LHPP: variants seen among roughly 807,000 people sequenced by gnomAD.
LHPP encodes the protein phospholysine phosphohistidine inorganic pyrophosphate phosphatase, also known as hLHPP.
Under a neutral mutation model 30.3 loss-of-function variants are expected in LHPP, and 24 were observed. That is an observed-to-expected ratio of 0.79 (90% confidence interval 0.57 to 1.11). The LOEUF (loss-of-function observed/expected upper bound fraction) is 1.11. LHPP is among the 50% of genes most tolerant of loss of function. The pLI, the probability that LHPP is intolerant of heterozygous loss-of-function variation, is 0.00. For missense variants in LHPP, 356 were observed against 367.2 expected (o/e 0.97, Z 0.25); for synonymous variants, 150 against 157.1 (o/e 0.95, Z 0.34).
At chr10:124,464,426 C>A (rs12261656) in intron 1 of LHPP, among the ~76,000 whole-genome samples, 2 of 152,022 alleles carry the variant, frequency 1.3e-5, no homozygotes, top group African/African-American at 4.8e-5. Flanking sequence ...CAAACGGTCC[C>A]GCATAGTGAA....
chr10:124,553,984 G>A (rs999769689), intron 6 of LHPP: 48 of 985,314 alleles, frequency 4.9e-5, no homozygotes, highest in African/African-American at 4.2e-4. Flanking sequence ...GGAACTGGGC[G>A]CTCCTGTGGA....
At chr10:124,498,357 A>T in intron 5 of LHPP, 1 of 1,566,212 alleles carries the variant, frequency 6.4e-7, no homozygotes, top group Admixed American at 1.9e-5. Flanking sequence ...AAGAAGCAGA[A>T]ATGCCTGCGG....
At chr10:124,573,702 G>T (rs1589876150) in intron 6 of LHPP, among the ~76,000 whole-genome samples, 2 of 152,306 alleles carry the variant, frequency 1.3e-5, no homozygotes, top group East Asian at 3.9e-4. Context: ...TGCCGTGCCT[G>T]ATCCTTGCTG....
At chr10:124,587,695 A>G (rs7920269) in intron 6 of LHPP, among the ~76,000 whole-genome samples, 48,356 of 143,402 alleles carry the variant, frequency 0.34, 8,494 homozygotes, top group South Asian at 0.45. Context: ...AGCCAAGATC[A>G]TGCCACTGCA....
intron 6 of LHPP, among the ~76,000 whole-genome samples, chr10:124,598,603 T>C (rs2077166): frequency 0.93 from 140,691 of 152,032 alleles, 65,298 homozygotes; most frequent in East Asian, 1. Flanking sequence ...GCACGAGGAA[T>C]TGCTGGGAGC....
In LHPP at chr10:124,506,683, AAGATTT is replaced by A. The variant is rs1274537139; in HGVS notation, c.624+8556_624+8561del. Reference sequence around the variant, plus strand: ...GAGGATTTCAGGTTGGGGGGTAGGGAAGATTTCAGGTTGGCGGGTAGGGAAGATTTC... The same window carrying A: ...GAGGATTTCAGGTTGGGGGGTAGGGACAGGTTGGCGGGTAGGGAAGATTTC... On this transcript the variant is annotated intron_variant, in intron 5 of 6. Coordinates refer to ENST00000368842, the MANE Select transcript of LHPP (RefSeq NM_022126.4). 5.6e-4 allele frequency among the ~76,000 whole-genome samples: 51 copies of A among 91,098 alleles called. 3 individuals are homozygous for A. The highest frequency in any genetic ancestry group is 7.6e-4 in the Non-Finnish European group (34 of 44,972). 59.8% of individuals were successfully genotyped at this position (91,098 alleles called of 152,430 possible). A position where few individuals can be genotyped will look rare whatever the true frequency, so the allele number is the denominator to read the frequency against.
chr10:124,487,963 C>G (rs1589780899), intron 2 of LHPP, among the ~76,000 whole-genome samples: 1 of 152,178 alleles, frequency 6.6e-6, no homozygotes, highest in Non-Finnish European at 1.5e-5. Flanking sequence ...TCTGCTTTTT[C>G]TTCAGGACAT....
intron 6 of LHPP, among the ~76,000 whole-genome samples, chr10:124,559,170 G>C (rs1948351881): frequency 6.6e-6 from 1 of 152,202 alleles, no homozygotes; most frequent in Non-Finnish European, 1.5e-5. Context: ...CTACCCCCAG[G>C]CTAGTTAAGG....
intron 6 of LHPP, chr10:124,554,048 C>T (rs563343899): frequency 6.3e-5 from 62 of 985,300 alleles, no homozygotes; most frequent in Non-Finnish European, 7.5e-5. Context: ...AAGAAGGCCT[C>T]GAGCCTGTAG....
At chr10:124,540,240 G>A (rs1010013858) in intron 6 of LHPP, among the ~76,000 whole-genome samples, 13 of 152,192 alleles carry the variant, frequency 8.5e-5, no homozygotes, top group Admixed American at 2.6e-4. Context: ...GACAAGGAGG[G>A]CTCCCACCTA....
intron 6 of LHPP, among the ~76,000 whole-genome samples, chr10:124,609,711 C>G (rs951307818): frequency 2.6e-5 from 4 of 152,226 alleles, no homozygotes; most frequent in Admixed American, 1.3e-4. Context: ...ACTAGTCTGC[C>G]TTTGCCAGCT....
intron 6 of LHPP, among the ~76,000 whole-genome samples, chr10:124,558,348 A>G (rs10794149): frequency 0.82 from 124,739 of 152,218 alleles, 51,847 homozygotes; most frequent in Non-Finnish European, 0.91. Context: ...GCGTGTTGCT[A>G]TGCACAGCCC....
In LHPP at chr10:124,564,097, T is replaced by C. The variant is rs943547930; in HGVS notation, c.716+46826T>C. Among the ~76,000 whole-genome samples the C allele has an allele frequency of 5.3e-5, 8 of 150,406 alleles. No individual in the cohort carries two copies. In the East Asian group the frequency reaches 7.9e-4, roughly 15 times the overall value. On this transcript the variant is annotated intron_variant, in intron 6 of 6. Transcript: ENST00000368842. ...GAGTGGCTGGACCTACAGGTGCACA[T>C]TGAAGCACCCAGCTGATTTAAAAAA...
chr10:124,546,559 C>A (rs569753743), intron 6 of LHPP, among the ~76,000 whole-genome samples: 2 of 151,950 alleles, frequency 1.3e-5, no homozygotes, highest in African/African-American at 2.4e-5. Flanking sequence ...CCTGCCACCA[C>A]GCCCGGCTAA....
rs1256206892 is a variant in LHPP at position 124,596,595 on chromosome 10, G to A, written c.717-16669G>A. Among the ~76,000 whole-genome samples, 1 of 152,144 alleles carries A rather than the reference G, an allele frequency of 6.6e-6. No individual in the cohort carries two copies. The highest frequency in any genetic ancestry group is 1.5e-5 in the Non-Finnish European group (1 of 68,034). On this transcript the variant is annotated intron_variant, in intron 6 of 6. Transcript: ENST00000368842. This position sits in a 1 kb window ranked among gnomAD's most constrained non-coding sequence, Gnocchi z 4.6. ...GGTAGCACAGCTGCATCTCTAGGTT[G>A]GGGCCACTCTTTTCTTGGAACAAGA...
At chr10:124,484,088 G>A (rs374070364) in intron 1 of LHPP, 51 bp from the exon 2 acceptor site, 16 of 1,571,692 alleles carry the variant, frequency 1.0e-5, no homozygotes, top group Non-Finnish European at 1.2e-5. Context: ...TCCTTCAGAG[G>A]CCCAACACTC....
intron 1 of LHPP, among the ~76,000 whole-genome samples, chr10:124,467,396 A>T (rs1218742994): frequency 2.7e-5 from 1 of 37,050 alleles, no homozygotes; most frequent in Admixed American, 3.5e-4. Context: ...GAGAGGGGGC[A>T]GGGAGGGGGT....
At chr10:124,529,528 G>A (rs187117034) in intron 6 of LHPP, among the ~76,000 whole-genome samples, 4 of 152,272 alleles carry the variant, frequency 2.6e-5, no homozygotes, top group African/African-American at 9.6e-5. Flanking sequence ...CTCTCCGACT[G>A]TGGCATCCCC....
intron 1 of LHPP, among the ~76,000 whole-genome samples, chr10:124,470,440 C>T (rs1952694762): frequency 2.0e-5 from 3 of 152,104 alleles, no homozygotes; most frequent in Admixed American, 1.3e-4. Flanking sequence ...CGTCCAGTAG[C>T]ACCTCTCAAT....
Sources: allele counts gnomAD v4.1 joint callset (sites outside exome capture counted in the v4.1 genomes callset), GRCh38; gene constraint gnomAD v4.1.1; non-coding constraint Gnocchi (gnomAD v3.1); transcripts MANE v1.5; gene names NCBI Gene and HGNC (gene_info 2026-07-23, HGNC 2026-07-21).